The following NLRC3 variants were observed in gnomAD, a reference collection of about 807,000 sequenced individuals.
NLRC3 encodes NLR family CARD domain-containing protein 3.
In NLRC3, 87 loss-of-function variants were observed where a neutral mutation model predicts 91.6. The ratio of observed to expected loss-of-function variants is 0.95; its 90% CI spans 0.80 to 1.14. The LOEUF (loss-of-function observed/expected upper bound fraction) is 1.14. Among genes scored for constraint, NLRC3 ranks in the 50% most tolerant of loss-of-function variants. NLRC3 has a pLI of 0.00. For synonymous variants in NLRC3, 694 were observed against 625.3 expected (o/e 1.11, Z -1.64); for missense variants, 1,577 against 1,418.6 (o/e 1.11, Z -1.79).
chr16:3,551,247 CTCACTCATTCAT>C (rs907226947), intron 10 of NLRC3, among the ~76,000 whole-genome samples: 15 of 148,912 alleles, frequency 1.0e-4, no homozygotes, highest in Non-Finnish European at 1.6e-4. Context: ...CACCCACCCA[CTCACTCATTCAT>C]TCACTCATTC....
chr16:3,554,127 A>G, intron 9 of NLRC3, 115 bp downstream of exon 9: 4 of 749,466 alleles, frequency 5.3e-6, no homozygotes, highest in Non-Finnish European at 7.1e-6. Context: ...CAGATGGGTC[A>G]GAAGGCCTCA....
rs747924791 is a variant in NLRC3 at position 3,576,527 on chromosome 16, C to T, written c.-169+622G>A. On this transcript the variant is annotated intron_variant, in intron 1 of 19. Coordinates refer to ENST00000359128, the MANE Select transcript of NLRC3 (RefSeq NM_178844.4). ...TTCCCCAGGCCGTGGCTCAGCATCA[C>T]CACTGCCTGCCCGCAGCACCTTCAA... Among the ~76,000 whole-genome samples the T allele has an allele frequency of 8.4e-4, 128 of 152,370 alleles. 2 individuals are homozygous for T. The highest frequency in any genetic ancestry group is 6.8e-3 in the Middle Eastern group (2 of 294).
At chr16:3,551,754 C>T (rs9931277) in intron 10 of NLRC3, among the ~76,000 whole-genome samples, 7,478 of 150,050 alleles carry the variant, frequency 0.05, 248 homozygotes, top group Admixed American at 0.068. Context: ...CATCCATTCA[C>T]CAGTCCTCTC....
At chr16:3,542,021 T>C (rs915337343) in intron 19 of NLRC3, 106 bp from the exon 20 acceptor site, 16 of 815,582 alleles carry the variant, frequency 2.0e-5, no homozygotes, top group Non-Finnish European at 2.9e-5. Context: ...TTTGTGCTTC[T>C]AGGATCCCCT....
Position 3,540,181 on chromosome 16 carries a change from G to A in NLRC3, c.*1644C>T, listed in dbSNP as rs1357813030. 1.3e-5 allele frequency: 2 copies of A among 152,160 alleles called. No homozygotes were observed. The highest frequency in any genetic ancestry group is 2.9e-5 in the Non-Finnish European group (2 of 68,046). The allele number at this position is 152,160 out of a possible 1,614,324, so 9.4% of individuals were successfully genotyped here. ...GTAAATTAGGATATCACCTTTGTGG[G>A]GTGCCGTTTTGAGACTGCAAGGATA... On this transcript the variant is annotated 3_prime_UTR_variant, in exon 20 of 20. Coordinates refer to ENST00000359128, the MANE Select transcript of NLRC3 (RefSeq NM_178844.4).
intron 9 of NLRC3, 89 bp from the exon 10 acceptor site, chr16:3,552,368 C>T (rs2039063539): frequency 3.5e-6 from 3 of 852,626 alleles, no homozygotes; most frequent in Non-Finnish European, 6.0e-6. Context: ...TCAGGGACAA[C>T]TAGTGTGCCC....
Position 3,548,694 on chromosome 16 carries a change from T to C in NLRC3, c.2663A>G (p.Glu888Gly). The change falls in exon 14 of 20, where the codon GAA becomes GGA. Residue 888 changes from glutamate (E) to glycine (G), a missense_variant. Transcript: ENST00000359128. The stretch of plus-strand genomic sequence containing the variant: ...CTGAAGGGAGGTGAGGGTGCGGTTT[T>C]CTCTCACTGCCACTGCGATGGCCCG... ...GARAIAVAVR[E>G]NRTLTSLHLQ... 1 of 1,597,576 alleles carries C rather than the reference T, an allele frequency of 6.3e-7. No individual in the cohort carries two copies. The highest frequency in any genetic ancestry group is 1.1e-5 in the South Asian group (1 of 87,718).
chr16:3,551,312 C>T (rs1430851345), intron 10 of NLRC3, among the ~76,000 whole-genome samples: 4 of 150,914 alleles, frequency 2.7e-5, no homozygotes, highest in Non-Finnish European at 4.4e-5. Flanking sequence ...ATCCATCCAT[C>T]CACTCATCCA....
intron 15 of NLRC3, among the ~76,000 whole-genome samples, chr16:3,547,346 T>C (rs1380904922): frequency 6.6e-6 from 1 of 152,132 alleles, no homozygotes; most frequent in Non-Finnish European, 1.5e-5. Context: ...CACAATTCCA[T>C]TTATATGCGG....
intron 7 of NLRC3, 102 bp from the exon 8 acceptor site, chr16:3,557,096 A>G (rs2151094209): frequency 1.3e-6 from 1 of 779,056 alleles, no homozygotes. Context: ...CTCTAAGGGA[A>G]TGTGTAAGGG....
rs375250755 is a variant in NLRC3 at position 3,549,183 on chromosome 16, G to T, written c.2562C>A (p.Ile854=). The T allele has an allele frequency of 1.3e-6, 2 of 1,589,256 alleles. No homozygotes were observed. Among genetic ancestry groups the T allele is most frequent in the East Asian group, 4.6e-5 (2 of 43,898 alleles). ...NSISPEGAQA[I]AHALCANSTL... ...TGCTGTTGGCGCAGAGGGCATGAGC[G>T]ATGGCCTGGGCTCCCTCGGGACTGA... is the stretch of plus-strand genomic sequence containing the variant. Residue 854 remains isoleucine, a synonymous_variant, in exon 13 of 20, where the codon ATC becomes ATA. Coordinates refer to ENST00000359128, the MANE Select transcript of NLRC3 (RefSeq NM_178844.4).
chr16:3,563,808 G>T lies in NLRC3; in HGVS notation c.1129C>A (p.Gln377Lys). 1 of 1,610,556 alleles carries T rather than the reference G, an allele frequency of 6.2e-7. No individual in the cohort carries two copies. The highest frequency in any genetic ancestry group is 8.5e-7 in the Non-Finnish European group (1 of 1,178,098). Residue 377 changes from glutamine to lysine, a missense_variant, in exon 5 of 20, where the codon CAG becomes AAG. Coordinates refer to ENST00000359128, the MANE Select transcript of NLRC3 (RefSeq NM_178844.4). ...YFRMALSGEG[Q>K]EKGKASPRIE... is the part of the protein sequence containing the mutation. ...CGAGGGCTTGCCTTGCCCTTCTCCT[G>T]CCCCTCCCCGCTGAGGGCCATCCTA...
intron 1 of NLRC3, among the ~76,000 whole-genome samples, chr16:3,567,771 CAAAAAAAA>C (rs774868671): frequency 2.6e-5 from 1 of 38,544 alleles, no homozygotes; most frequent in Non-Finnish European, 4.7e-5. Context: ...GACTCCATCT[CAAAAAAAA>C]AAAAAAAAAA....
In NLRC3 at chr16:3,563,383, G is replaced by C. The variant is rs376247970; in HGVS notation, c.1554C>G (p.Ser518=). 1 of 1,583,058 alleles carries C rather than the reference G, an allele frequency of 6.3e-7. No homozygotes were observed. The highest frequency in any genetic ancestry group is 8.6e-7 in the Non-Finnish European group (1 of 1,165,298). ...CATTGACCCTCGGAGACAAGAGGCC[G>C]GAGAGGAAGCGCAGGAACACGTCCA... ...GRLDVFLRFL[S]GLLSPRVNAL... The change falls in exon 5 of 20, where the codon TCC becomes TCG. Residue 518 remains serine (S), a synonymous_variant. Transcript: ENST00000359128.
chr16:3,564,931 C>G lies in NLRC3; in HGVS notation c.106G>C (p.Gly36Arg). ...TGCGGGGCCTGGGAGCCTTGACTGC[C>G]CTTCCCAGCCAGCAGATCCATGAGG... Reference protein sequence around the residue: ...KALMDLLAGKGSQGSQAPQAL... With the variant: ...KALMDLLAGKRSQGSQAPQAL... The change falls in exon 4 of 20, where the codon GGC (glycine) becomes CGC (arginine). Residue 36 changes from glycine to arginine, a missense_variant. Coordinates refer to ENST00000359128, the MANE Select transcript of NLRC3 (RefSeq NM_178844.4). This position sits in a 1 kb window ranked among gnomAD's most constrained non-coding sequence, Gnocchi z 5.9. 1 of 1,610,612 alleles carries G rather than the reference C, an allele frequency of 6.2e-7. No homozygotes were observed. Among genetic ancestry groups the G allele is most frequent in the Non-Finnish European group, 8.5e-7 (1 of 1,179,708 alleles).
At chr16:3,558,709 T>C (rs1005361982) in intron 6 of NLRC3, among the ~76,000 whole-genome samples, 1 of 152,196 alleles carries the variant, frequency 6.6e-6, no homozygotes, top group African/African-American at 2.4e-5. Flanking sequence ...GTCCAGGCTC[T>C]TTGCCGTTTG....
chr16:3,543,485 G>GC lies in NLRC3; in HGVS notation c.2878dup (p.Ala960GlyfsTer105). On this transcript the variant is annotated frameshift_variant, in exon 17 of 20. Coordinates refer to ENST00000359128, the MANE Select transcript of NLRC3 (RefSeq NM_178844.4). LOFTEE classifies it high-confidence loss of function. ...TTCCCCTAGCACCTGGGCGCCTGAA[G>GC]CACCAATTGAGGCCACCTGGAGACT... 1 of 1,613,094 alleles carries GC rather than the reference G, an allele frequency of 6.2e-7. No individual in the cohort carries two copies. The highest frequency in any genetic ancestry group is 8.5e-7 in the Non-Finnish European group (1 of 1,179,580).
At chr16:3,547,429 G>A (rs999917778) in intron 15 of NLRC3, among the ~76,000 whole-genome samples, 2 of 152,132 alleles carry the variant, frequency 1.3e-5, no homozygotes, top group Admixed American at 1.3e-4. Flanking sequence ...AGAATGGGTA[G>A]TGAGTGCTAA....
At chr16:3,542,359 G>C in intron 18 of NLRC3, 85 bp from the exon 19 acceptor site, 1 of 845,466 alleles carries the variant, frequency 1.2e-6, no homozygotes, top group Non-Finnish European at 2.0e-6. Flanking sequence ...ATTGTCTGGG[G>C]GCAGTAACCC....
Sources: gnomAD v4.1 joint callset for allele counts (sites outside exome capture counted in the v4.1 genomes callset) on GRCh38, gnomAD v4.1.1 for gene constraint, Gnocchi (gnomAD v3.1) non-coding constraint, MANE v1.5 for transcripts, NCBI Gene and HGNC (gene_info 2026-07-23, HGNC 2026-07-21) for gene names.